DIP2C: variants seen among roughly 807,000 people sequenced by gnomAD.
DIP2C encodes the protein DIP2 acetate--CoA ligase C (putative), also known as disco-interacting protein 2 homolog C.
DIP2C carries 33 observed loss-of-function variants against 192.4 expected under a neutral mutation model. The observed-to-expected ratio is 0.17, with a 90% CI of 0.13 to 0.23. DIP2C has a LOEUF of 0.23. DIP2C is among the 10% of genes least tolerant of loss of function. DIP2C has a pLI of 1.00. For synonymous variants in DIP2C, 979 were observed against 864.1 expected, an observed-to-expected ratio of 1.13 and a Z score of -2.33; for missense variants, 1,537 against 2,110.1, an observed-to-expected ratio of 0.73 and a Z score of 5.32.
intron 3 of DIP2C, among the ~76,000 whole-genome samples, chr10:461,615 TAGAC>T (rs1196814189): frequency 6.6e-6 from 1 of 152,174 alleles, no homozygotes; most frequent in African/African-American, 2.4e-5. Context: ...ACGTCAGTAT[TAGAC>T]AGATTGAGAC....
intron 24 of DIP2C, among the ~76,000 whole-genome samples, chr10:351,124 C>T (rs1045671880): frequency 2.0e-5 from 3 of 152,052 alleles, no homozygotes; most frequent in East Asian, 1.9e-4. Flanking sequence ...AGAGTGAAGG[C>T]GCAGGGAGAG....
chr10:600,827 C>G (rs1852019916), intron 1 of DIP2C, among the ~76,000 whole-genome samples: 1 of 152,238 alleles, frequency 6.6e-6, no homozygotes, highest in East Asian at 1.9e-4. Context: ...AACCACGTCT[C>G]AACCATAAGA....
chr10:379,722 C>T (rs1408451072), intron 17 of DIP2C, among the ~76,000 whole-genome samples: 2 of 152,130 alleles, frequency 1.3e-5, no homozygotes, highest in African/African-American at 4.8e-5. Context: ...CATTCTACTG[C>T]AGATAATCGT....
At chr10:324,009 G>A (rs999510863) in intron 31 of DIP2C, among the ~76,000 whole-genome samples, 2 of 152,020 alleles carry the variant, frequency 1.3e-5, no homozygotes, top group African/African-American at 4.8e-5. Flanking sequence ...CTGCACTTAC[G>A]GCTGCCTTCG....
chr10:604,646 CTT>C (rs1168654586), intron 1 of DIP2C, among the ~76,000 whole-genome samples: 2 of 152,228 alleles, frequency 1.3e-5, no homozygotes, highest in Non-Finnish European at 2.9e-5. Flanking sequence ...AACAGCTTCT[CTT>C]GATTATAGTT....
At chr10:640,582 G>A (rs983546388) in intron 1 of DIP2C, among the ~76,000 whole-genome samples, 1 of 152,040 alleles carries the variant, frequency 6.6e-6, no homozygotes, top group South Asian at 2.1e-4. Context: ...CGCGACGGGG[G>A]ACGAGGGTGC....
At position 413,989 on chromosome 10, in the gene DIP2C, C is replaced by G; in HGVS notation, c.981G>C (p.Trp327Cys). 1 of 1,614,156 alleles carries G rather than the reference C, an allele frequency of 6.2e-7. No individual in the cohort carries two copies. Among genetic ancestry groups the G allele is most frequent in the Non-Finnish European group, 8.5e-7 (1 of 1,180,020 alleles). The change falls in exon 8 of 37, where the codon TGG becomes TGC. Residue 327 changes from tryptophan to cysteine, a missense_variant. Physicochemically the swap from Trp to Cys is radical, Grantham distance 215 (BLOSUM62 -2). Transcript: ENST00000280886. ...PPSLEAALQR[W>C]GTISPKAPCL... The stretch of plus-strand genomic sequence containing the variant: ...AGGGCGCCTTGGGCGAGATGGTGCC[C>G]CACCTCTGCAGTGCGGCCTCCAGCG...
intron 1 of DIP2C, among the ~76,000 whole-genome samples, chr10:595,706 A>ACC (rs1851662129): frequency 6.6e-6 from 1 of 152,098 alleles, no homozygotes; most frequent in Admixed American, 6.5e-5. Context: ...ACCCGCGCCC[A>ACC]CCCTGTGGAG....
chr10:368,798 C>A (rs1214699794), intron 18 of DIP2C, among the ~76,000 whole-genome samples: 1 of 152,252 alleles, frequency 6.6e-6, no homozygotes, highest in African/African-American at 2.4e-5. Flanking sequence ...GCAGGAGACA[C>A]AGGCTCCAGG....
chr10:303,977 C>G (rs998604613), intron 32 of DIP2C, among the ~76,000 whole-genome samples: 1 of 152,172 alleles, frequency 6.6e-6, no homozygotes, highest in Non-Finnish European at 1.5e-5. Context: ...ATGACATGCA[C>G]AGAGCCGTCA....
chr10:656,061 CTATA>C lies in DIP2C; in HGVS notation c.85+33429_85+33432del, dbSNP rs547538966. ...AACACTCTATTTGTCCTATTGTATA[CTATA>C]TATATAATGTTACACTGTTTCATCT... On this transcript the variant is annotated intron_variant, in intron 1 of 36. Coordinates refer to ENST00000280886, the MANE Select transcript of DIP2C (RefSeq NM_014974.3). Among the ~76,000 whole-genome samples, 18 of 146,628 alleles carry C rather than the reference CTATA, an allele frequency of 1.2e-4. No individual in the cohort carries two copies. The South Asian group carries it at 3.8e-3, about 31-fold the overall frequency.
At chr10:544,968 C>G (rs936908712) in intron 1 of DIP2C, among the ~76,000 whole-genome samples, 1 of 152,064 alleles carries the variant, frequency 6.6e-6, no homozygotes, top group African/African-American at 2.4e-5. Flanking sequence ...ATCTAAGGAA[C>G]CATTGCTTAA....
At position 593,757 on chromosome 10, in the gene DIP2C, G is replaced by GC. The variant is rs565128019; in HGVS notation, c.85+95736dup. On this transcript the variant is annotated intron_variant, in intron 1 of 36. Transcript: ENST00000280886. ...CCGACATGCACTGACCTCCGATAGG[G>GC]CCTCCTTTACCATCCACATCCGTCT... is the stretch of plus-strand genomic sequence containing the variant. Among the ~76,000 whole-genome samples the GC allele has an allele frequency of 2.3e-4, 35 of 152,258 alleles. No individual in the cohort carries two copies. In the South Asian group the frequency reaches 5.4e-3, roughly 23 times the overall value.
intron 36 of DIP2C, among the ~76,000 whole-genome samples, chr10:278,357 G>T (rs1436445440): frequency 6.6e-6 from 1 of 152,264 alleles, no homozygotes; most frequent in African/African-American, 2.4e-5. Flanking sequence ...ATGGAACCTG[G>T]TCAGCCTGTG....
Position 340,384 on chromosome 10 carries a change from T to C in DIP2C, c.3584+815A>G, listed in dbSNP as rs368691088. On this transcript the variant is annotated intron_variant, in intron 29 of 36. Coordinates refer to ENST00000280886, the MANE Select transcript of DIP2C (RefSeq NM_014974.3). ...AAAAGGGGGGAAAGCAGGCGGATAA[T>C]ACAAAACTGCTAAAATGCTGAAATG... Among the ~76,000 whole-genome samples, 341 of 152,094 alleles carry C rather than the reference T, an allele frequency of 2.2e-3. 2 individuals carry two copies. The highest frequency in any genetic ancestry group is 3.6e-3 in the Non-Finnish European group (248 of 67,988).
At chr10:505,613 C>T (rs1845545814) in intron 1 of DIP2C, among the ~76,000 whole-genome samples, 1 of 151,706 alleles carries the variant, frequency 6.6e-6, no homozygotes, top group Non-Finnish European at 1.5e-5. Flanking sequence ...ACCACCTGCC[C>T]AGCTATATTC....
At chr10:663,142 T>C in intron 1 of DIP2C, 2 of 495,278 alleles carry the variant, frequency 4.0e-6, no homozygotes, top group Non-Finnish European at 7.2e-6. Flanking sequence ...TACCTCAGCA[T>C]GGGTGAGTTT....
intron 22 of DIP2C, 111 bp downstream of exon 22, chr10:362,379 G>A (rs935963561): frequency 2.7e-5 from 34 of 1,270,428 alleles, no homozygotes; most frequent in South Asian, 1.7e-4. Flanking sequence ...CTTCTTTCCC[G>A]CAAGCATCAG....
chr10:336,279 A>G (rs907565652), intron 29 of DIP2C, among the ~76,000 whole-genome samples: 1 of 152,166 alleles, frequency 6.6e-6, no homozygotes, highest in Non-Finnish European at 1.5e-5. Context: ...TCCGTGTACA[A>G]TGGTGGTCTC....
Sources: allele counts gnomAD v4.1 joint callset (sites outside exome capture counted in the v4.1 genomes callset), GRCh38; gene constraint gnomAD v4.1.1; transcripts MANE v1.5; gene names NCBI Gene and HGNC (gene_info 2026-07-23, HGNC 2026-07-21).